Variants in ARHGEF17 observed in about 807,000 individuals in gnomAD.
The protein encoded by ARHGEF17 is 164 kDa Rho-specific guanine-nucleotide exchange factor.
ARHGEF17 carries 80 observed loss-of-function variants against 174.0 expected under a neutral mutation model. That is an observed-to-expected ratio of 0.46 (90% confidence interval 0.38 to 0.55). The LOEUF is 0.55. ARHGEF17 is among the 20% of genes least tolerant of loss of function. The probability of loss-of-function intolerance (pLI) is 0.00; values close to 1 mark genes in which losing one functional copy is unlikely to be tolerated. For missense variants in ARHGEF17, 2,886 were observed against 2,839.7 expected (o/e 1.02, Z -0.37); for synonymous variants, 1,311 against 1,189.1 (o/e 1.10, Z -2.11).
intron 1 of ARHGEF17, among the ~76,000 whole-genome samples, chr11:73,321,557 G>A (rs974727485): frequency 6.6e-6 from 1 of 152,216 alleles, no homozygotes; most frequent in African/African-American, 2.4e-5. Flanking sequence ...TAAAATGGGG[G>A]CACTAAGGCG....
At chr11:73,356,035 T>G (rs1458204354) in intron 5 of ARHGEF17, 82 bp downstream of exon 5, 1 of 1,590,044 alleles carries the variant, frequency 6.3e-7, no homozygotes, top group African/African-American at 1.3e-5. Flanking sequence ...CCTGCCTCGT[T>G]GAGCCTGACA....
chr11:73,364,148 C>A (rs941089471), intron 16 of ARHGEF17, 24 bp from the exon 17 acceptor site: 1 of 1,613,552 alleles, frequency 6.2e-7, no homozygotes, highest in East Asian at 2.2e-5. Context: ...AACTCCCTTA[C>A]TGCTTCCTCT....
At position 73,311,486 on chromosome 11, in the gene ARHGEF17, G is replaced by T. The variant is rs1864833697; in HGVS notation, c.2848G>T (p.Ala950Ser). The change falls in exon 1 of 21, where the codon GCC becomes TCC. Residue 950 changes from alanine to serine, a missense_variant. Around this residue, in one of 4 missense-constraint regions of ARHGEF17, gnomAD observed 1,728 missense variants for 1,461.2 expected, o/e 1.18. Transcript: ENST00000263674. ...GGACCAGACTGGCAGCCTGTCTCGG[G>T]CCCGGCCCTCCTCCAGACACGTTCG... ...SQDQTGSLSR[A>S]RPSSRHVRHA... is the part of the protein sequence containing the mutation. The T allele has an allele frequency of 6.2e-7, 1 of 1,613,050 alleles. No homozygotes were observed. The highest frequency in any genetic ancestry group is 1.7e-5 in the Admixed American group (1 of 60,010).
chr11:73,321,229 G>T (rs1241178946), intron 1 of ARHGEF17, among the ~76,000 whole-genome samples: 1 of 152,006 alleles, frequency 6.6e-6, no homozygotes, highest in Non-Finnish European at 1.5e-5. Context: ...GGGGCTGGAG[G>T]CTGAGCCACA....
chr11:73,329,728 C>A (rs981374965), intron 1 of ARHGEF17, among the ~76,000 whole-genome samples: 1 of 152,068 alleles, frequency 6.6e-6, no homozygotes, highest in Non-Finnish European at 1.5e-5. Context: ...TGCATGGTGT[C>A]CCATTTTGCA....
At chr11:73,324,741 CAGAA>C (rs576598337) in intron 1 of ARHGEF17, among the ~76,000 whole-genome samples, 263 of 152,294 alleles carry the variant, frequency 1.7e-3, no homozygotes, top group African/African-American at 5.9e-3. Flanking sequence ...AAGGTGGGCA[CAGAA>C]AGAAAGGGTG....
intron 15 of ARHGEF17, 123 bp from the exon 16 acceptor site, chr11:73,363,624 C>G: frequency 1.3e-6 from 2 of 1,499,148 alleles, no homozygotes; most frequent in Non-Finnish European, 1.8e-6. Flanking sequence ...GCTGTGGGAC[C>G]TCAGTACCTT....
intron 1 of ARHGEF17, among the ~76,000 whole-genome samples, chr11:73,321,262 C>G (rs1009624263): frequency 4.4e-4 from 58 of 133,120 alleles, no homozygotes; most frequent in African/African-American, 2.1e-3. Context: ...TTGCTCCACT[C>G]ACCAGCTCTT....
chr11:73,329,362 TATATA>T (rs1235919636), intron 1 of ARHGEF17, among the ~76,000 whole-genome samples: 16 of 18,882 alleles, frequency 8.5e-4, no homozygotes, highest in Non-Finnish European at 1.3e-3. Context: ...TATATATATA[TATATA>T]TATATATTTT....
intron 1 of ARHGEF17, among the ~76,000 whole-genome samples, chr11:73,320,661 A>AT (rs1400325672): frequency 0.019 from 2,101 of 109,270 alleles, 29 homozygotes; most frequent in African/African-American, 0.05. Flanking sequence ...GATGATGATG[A>AT]TTTTTTTTTT....
chr11:73,309,323 G>C lies in ARHGEF17; in HGVS notation c.685G>C (p.Ala229Pro). 1 of 1,589,206 alleles carries C rather than the reference G, an allele frequency of 6.3e-7. No homozygotes were observed. The change falls in exon 1 of 21, where the codon GCC becomes CCC. Residue 229 changes from alanine to proline, a missense_variant. By Grantham distance (27) the Ala-to-Pro change is conservative. Coordinates refer to ENST00000263674, the MANE Select transcript of ARHGEF17 (RefSeq NM_014786.4). ...CTCCCAACCGCAGGCCGGGGCCCGG[G>C]CCTCCTGCTCCTCCTCCTCCATCGC... is the stretch of plus-strand genomic sequence containing the variant. Reference protein sequence around the residue: ...IFSQPQAGARASCSSSSIAAS... With the variant: ...IFSQPQAGARPSCSSSSIAAS...
Position 73,311,726 on chromosome 11 carries a change from T to C in ARHGEF17, c.3088T>C (p.Leu1030=), listed in dbSNP as rs763928034. 19 of 1,613,274 alleles carry C rather than the reference T, an allele frequency of 1.2e-5. 1 individual carries two copies. The highest frequency in any genetic ancestry group is 9.9e-5 in the South Asian group (9 of 91,088). Residue 1030 remains leucine, a synonymous_variant, in exon 1 of 21, where the codon TTG becomes CTG. Transcript: ENST00000263674. ...CCCAGTGCCAGTGGACATGCCCTGC[T>C]TGCCTCTGGCTGCACCGCCCTCTGC... ...PAPVPVDMPC[L]PLAAPPSAEA...
chr11:73,322,014 A>C (rs1004676103), intron 1 of ARHGEF17, among the ~76,000 whole-genome samples: 1 of 152,194 alleles, frequency 6.6e-6, no homozygotes, highest in African/African-American at 2.4e-5. Flanking sequence ...AGCCAGCCCC[A>C]CAGCCGGGCC....
chr11:73,323,919 A>G (rs1011575597), intron 1 of ARHGEF17, among the ~76,000 whole-genome samples: 4 of 152,110 alleles, frequency 2.6e-5, no homozygotes, highest in Non-Finnish European at 5.9e-5. Context: ...ACTTCCTCTC[A>G]TGGAGGCTCC....
Position 73,367,590 on chromosome 11 carries a change from A to G in ARHGEF17, c.6002A>G (p.Glu2001Gly). 6.2e-7 allele frequency: 1 copy of G among 1,610,846 alleles called. No homozygotes were observed. Among genetic ancestry groups the G allele is most frequent in the Non-Finnish European group, 8.5e-7 (1 of 1,177,886 alleles). The change falls in exon 21 of 21, where the codon GAG becomes GGG. Residue 2001 changes from glutamate (E) to glycine (G), a missense_variant. Physicochemically the swap from Glu to Gly is moderately conservative, Grantham distance 98. Around this residue, in one of 4 missense-constraint regions of ARHGEF17, gnomAD observed 329 missense variants for 435.2 expected, o/e 0.76. Coordinates refer to ENST00000263674, the MANE Select transcript of ARHGEF17 (RefSeq NM_014786.4). ...TPPPPPDTGP[E>G]KLPSLEHRDS... ...TCCTCCCCTCTGCCCCCAGGCCCCG[A>G]GAAGCTGCCATCACTGGAGCACCGG...
chr11:73,310,903 G>A lies in ARHGEF17; in HGVS notation c.2265G>A (p.Val755=). 6.2e-7 allele frequency: 1 copy of A among 1,613,506 alleles called. No homozygotes were observed. Among genetic ancestry groups the A allele is most frequent in the Non-Finnish European group, 8.5e-7 (1 of 1,179,734 alleles). Reference sequence around the variant, plus strand: ...CTGAAGAGCCTACTGGGTTCTCTGTGGACAGCAACCTCCTGGGCTCACTGA... The same window carrying A: ...CTGAAGAGCCTACTGGGTTCTCTGTAGACAGCAACCTCCTGGGCTCACTGA... ...ATSEEPTGFS[V]DSNLLGSLSP... The change falls in exon 1 of 21, where the codon GTG becomes GTA. Residue 755 remains valine (V), a synonymous_variant. Transcript: ENST00000263674.
chr11:73,356,792 C>T (rs748722386), intron 7 of ARHGEF17, 33 bp downstream of exon 7: 4 of 1,613,900 alleles, frequency 2.5e-6, no homozygotes, highest in South Asian at 2.2e-5. Context: ...TCCGGCTGTC[C>T]CCACCTCCTC....
intron 1 of ARHGEF17, among the ~76,000 whole-genome samples, chr11:73,345,157 C>T (rs914696899): frequency 1.3e-5 from 2 of 152,158 alleles, no homozygotes; most frequent in African/African-American, 4.8e-5. Flanking sequence ...GCTCGCACTG[C>T]CTCCTTCTGG....
chr11:73,312,768 C>G (rs905885902), intron 1 of ARHGEF17, among the ~76,000 whole-genome samples: 1 of 151,946 alleles, frequency 6.6e-6, no homozygotes, highest in African/African-American at 2.4e-5. Flanking sequence ...CTGCTTGCAT[C>G]TTTTCCCCAC....
Sources: gnomAD v4.1 joint callset for allele counts (sites outside exome capture counted in the v4.1 genomes callset) on GRCh38, gnomAD v4.1.1 for gene constraint, gnomAD v4.1.1 regional missense constraint, MANE v1.5 for transcripts, NCBI Gene and HGNC (gene_info 2026-07-23, HGNC 2026-07-21) for gene names.